The following PPA2 variants were observed in gnomAD, a reference collection of about 807,000 sequenced individuals.
PPA2 encodes the protein inorganic pyrophosphatase 2, mitochondrial.
PPA2 carries 48 observed loss-of-function variants against 49.5 expected under a neutral mutation model. That is an observed-to-expected ratio of 0.97 (90% CI 0.77 to 1.23). The LOEUF is 1.23. PPA2 is among the 50% of genes most tolerant of loss of function. The pLI, the probability that PPA2 is intolerant of heterozygous loss-of-function variation, is 0.00. For missense variants in PPA2, 429 were observed against 410.1 expected (o/e 1.05, Z -0.40); for synonymous variants, 131 against 139.9 (o/e 0.94, Z 0.45).
In PPA2 at chr4:105,456,746, C is replaced by G; in HGVS notation, c.158-1G>C. 1 of 1,600,654 alleles carries G rather than the reference C, an allele frequency of 6.2e-7. No individual in the cohort carries two copies. Among genetic ancestry groups the G allele is most frequent in the Admixed American group, 1.7e-5 (1 of 58,232 alleles). ...GAAATGTAGTGACCAGTTACATTCT[C>G]TGCAAAGACACAAACAAACAAAACA... On this transcript the variant is annotated splice_acceptor_variant, in intron 1 of 11. Transcript: ENST00000341695. LOFTEE classifies it high-confidence loss of function.
intron 7 of PPA2, among the ~76,000 whole-genome samples, chr4:105,423,966 G>C (rs1050429509): frequency 6.6e-6 from 1 of 152,160 alleles, no homozygotes; most frequent in Non-Finnish European, 1.5e-5. Context: ...AGGAGTGAAA[G>C]GAAGAGGAAG....
chr4:105,387,771 A>AG (rs34239431), intron 9 of PPA2, among the ~76,000 whole-genome samples: 56,802 of 151,802 alleles, frequency 0.37, 12,599 homozygotes, highest in East Asian at 0.68. Context: ...TTAAAAGTTG[A>AG]GGGGGAAAAA....
chr4:105,407,769 T>C (rs917121579), intron 7 of PPA2, among the ~76,000 whole-genome samples: 4 of 152,162 alleles, frequency 2.6e-5, no homozygotes, highest in African/African-American at 4.8e-5. Context: ...CCAGACTCCA[T>C]TGATAGGTAA....
intron 10 of PPA2, among the ~76,000 whole-genome samples, chr4:105,382,181 T>C (rs1167553424): frequency 1.3e-5 from 2 of 152,068 alleles, no homozygotes; most frequent in African/African-American, 4.8e-5. Context: ...TTTTAAATTT[T>C]CAAACACATG....
intron 6 of PPA2, among the ~76,000 whole-genome samples, chr4:105,437,404 T>C (rs1222723140): frequency 1.3e-5 from 2 of 152,110 alleles, no homozygotes; most frequent in Non-Finnish European, 2.9e-5. Context: ...TATAGAAGAA[T>C]TGATGGGGAG....
chr4:105,422,039 TC>T (rs1034416885), intron 7 of PPA2, among the ~76,000 whole-genome samples: 11 of 151,162 alleles, frequency 7.3e-5, no homozygotes, highest in African/African-American at 2.7e-4. Flanking sequence ...AGAGACTGCC[TC>T]AAAAAAAAAC....
At position 105,405,833 on chromosome 4, in the gene PPA2, G is replaced by T. The variant is rs575830146; in HGVS notation, c.656-6669C>A. On this transcript the variant is annotated intron_variant, in intron 7 of 11. Transcript: ENST00000341695. ...AAACAACATGTAGGGCTGCATCCAGGGGCACACAGGAATCCTGATGTGCAG... is the reference window on the plus strand; with the variant it reads ...AAACAACATGTAGGGCTGCATCCAGTGGCACACAGGAATCCTGATGTGCAG... 37 of 462,162 alleles carry T rather than the reference G, an allele frequency of 8.0e-5. 1 individual carries two copies. In the Middle Eastern group the frequency reaches 9.4e-3, roughly 117 times the overall value. 28.6% of individuals were successfully genotyped at this position (462,162 alleles called of 1,614,324 possible). A position where few individuals can be genotyped will look rare whatever the true frequency, so the allele number is the denominator to read the frequency against.
At chr4:105,459,520 A>G (rs925786950) in intron 1 of PPA2, among the ~76,000 whole-genome samples, 3 of 152,244 alleles carry the variant, frequency 2.0e-5, no homozygotes, top group Non-Finnish European at 4.4e-5. Context: ...TGTTTCTTGT[A>G]AAGTTAAACA....
chr4:105,427,226 A>C (rs1723556718), intron 6 of PPA2, among the ~76,000 whole-genome samples: 1 of 152,216 alleles, frequency 6.6e-6, no homozygotes, highest in Non-Finnish European at 1.5e-5. Context: ...AGGTAGATAA[A>C]ACCACAAAAT....
chr4:105,405,729 C>A lies in PPA2; in HGVS notation c.656-6565G>T, dbSNP rs73838089. Reference sequence around the variant, plus strand: ...CAGGCTAACCTACCTAAAATAGATACCTTATAAACAGATTAACATCAAAAA... The same window carrying A: ...CAGGCTAACCTACCTAAAATAGATAACTTATAAACAGATTAACATCAAAAA... On this transcript the variant is annotated intron_variant, in intron 7 of 11. Coordinates refer to ENST00000341695, the MANE Select transcript of PPA2 (RefSeq NM_176869.3). 3,505 of 761,136 alleles carry A rather than the reference C, an allele frequency of 4.6e-3. 113 individuals carry two copies. In the African/African-American group the frequency reaches 0.06, roughly 13 times the overall value. 47.1% of individuals were successfully genotyped at this position (761,136 alleles called of 1,614,324 possible). A position where few individuals can be genotyped will look rare whatever the true frequency, so the allele number is the denominator to read the frequency against.
Position 105,369,566 on chromosome 4 carries a change from T to A in PPA2, c.*159A>T, listed in dbSNP as rs552427353. 1.6e-6 allele frequency: 1 copy of A among 637,484 alleles called. No individual in the cohort carries two copies. The highest frequency in any genetic ancestry group is 2.2e-5 in the South Asian group (1 of 44,992). 39.5% of individuals were successfully genotyped at this position (637,484 alleles called of 1,614,324 possible). A position where few individuals can be genotyped will look rare whatever the true frequency, so the allele number is the denominator to read the frequency against. ...CAATAAATGTCCAAAGGAGAGTAATTTAAAATTCTTACTGTTTATTTATAT... is the reference window on the plus strand; with the variant it reads ...CAATAAATGTCCAAAGGAGAGTAATATAAAATTCTTACTGTTTATTTATAT... On this transcript the variant is annotated 3_prime_UTR_variant, in exon 12 of 12. Transcript: ENST00000341695.
chr4:105,396,367 A>T, intron 8 of PPA2, 33 bp from the exon 9 acceptor site: 1 of 1,422,472 alleles, frequency 7.0e-7, no homozygotes, highest in Non-Finnish European at 9.7e-7. Context: ...AAAAAGACGT[A>T]TTTAATATCA....
chr4:105,454,302 CTGTTGTTGTTGTTGT>C (rs111229489), intron 2 of PPA2, among the ~76,000 whole-genome samples: 200 of 146,400 alleles, frequency 1.4e-3, no homozygotes, highest in African/African-American at 4.7e-3. Context: ...TTTGCTGCTG[CTGTTGTTGTTGTTGT>C]TGTTGTTGTT....
chr4:105,425,723 TACACACACACACAC>T (rs59144523), intron 6 of PPA2, among the ~76,000 whole-genome samples: 6 of 122,530 alleles, frequency 4.9e-5, no homozygotes, highest in East Asian at 4.5e-4. Context: ...CACATGCACA[TACACACACACACAC>T]ACACACACAC....
At chr4:105,409,327 G>A (rs1008060530) in intron 7 of PPA2, among the ~76,000 whole-genome samples, 3 of 152,256 alleles carry the variant, frequency 2.0e-5, no homozygotes, top group African/African-American at 7.2e-5. Flanking sequence ...CGGCCTGTGA[G>A]ACGGCAGCCT....
At chr4:105,466,760 C>A (rs1390710897) in intron 1 of PPA2, among the ~76,000 whole-genome samples, 2 of 152,192 alleles carry the variant, frequency 1.3e-5, no homozygotes, top group Admixed American at 6.5e-5. Context: ...GATCTTGTGT[C>A]CCATCTCCCC....
At chr4:105,388,453 T>C (rs1396214687) in intron 9 of PPA2, among the ~76,000 whole-genome samples, 2 of 152,132 alleles carry the variant, frequency 1.3e-5, no homozygotes, top group Non-Finnish European at 2.9e-5. Context: ...AAAATATCTC[T>C]GATAAAATGT....
At chr4:105,461,489 G>C (rs1374883789) in intron 1 of PPA2, among the ~76,000 whole-genome samples, 1 of 152,170 alleles carries the variant, frequency 6.6e-6, no homozygotes, top group Non-Finnish European at 1.5e-5. Context: ...AGCATCTGTG[G>C]AGTCTTTCGA....
intron 2 of PPA2, chr4:105,455,969 A>G (rs1027660758): frequency 2.3e-5 from 5 of 217,818 alleles, no homozygotes; most frequent in African/African-American, 1.1e-4. Context: ...ATAACCTACA[A>G]CTTAATGATG....
Sources: allele counts gnomAD v4.1 joint callset (sites outside exome capture counted in the v4.1 genomes callset), GRCh38; gene constraint gnomAD v4.1.1; transcripts MANE v1.5; gene names NCBI Gene and HGNC (gene_info 2026-07-23, HGNC 2026-07-21).